KCNN2: variants seen among roughly 807,000 people sequenced by gnomAD.
KCNN2 encodes small conductance calcium-activated potassium channel protein 2.
Under a neutral mutation model 55.5 loss-of-function variants are expected in KCNN2, and 24 were observed. The observed-to-expected ratio is 0.43, with a 90% CI of 0.31 to 0.61. KCNN2 has a LOEUF of 0.61. KCNN2 is among the 20% of genes least tolerant of loss of function. KCNN2 has a pLI of 0.08. For missense variants in KCNN2, 754 were observed against 853.6 expected, an observed-to-expected ratio of 0.88 and a Z score of 1.45; for synonymous variants, 431 against 336.1, an observed-to-expected ratio of 1.28 and a Z score of -3.09.
At chr5:114,110,601 C>A (rs1009708054) in intron 1 of KCNN2, among the ~76,000 whole-genome samples, 1 of 151,954 alleles carries the variant, frequency 6.6e-6, no homozygotes, top group African/African-American at 2.4e-5. Flanking sequence ...TCCTTTTTTT[C>A]CCATTCTCTT....
At chr5:114,069,831 A>G (rs1413629592) in intron 1 of KCNN2, among the ~76,000 whole-genome samples, 1 of 152,194 alleles carries the variant, frequency 6.6e-6, no homozygotes, top group Non-Finnish European at 1.5e-5. Flanking sequence ...TCTCAGCTAA[A>G]GGTTAGAGAT....
rs1378290817 is a variant in KCNN2 at position 114,362,954 on chromosome 5, C to G, written c.815C>G (p.Ser272Trp). Reference protein sequence around the residue: ...SAAAAAAAAVSSSAPEIVVSK... With the variant: ...SAAAAAAAAVWSSAPEIVVSK... Reference sequence around the variant, plus strand: ...GCCGCTGCCGCCGCCGCCGCTGTTTCGTCCTCAGCCCCCGAGATCGTGGTG... The same window carrying G: ...GCCGCTGCCGCCGCCGCCGCTGTTTGGTCCTCAGCCCCCGAGATCGTGGTG... The change falls in exon 1 of 8, where the codon TCG (serine) becomes TGG (tryptophan). Residue 272 changes from serine to tryptophan, a missense_variant. Around this residue, in one of 4 missense-constraint regions of KCNN2, gnomAD observed 381 missense variants for 259.1 expected, o/e 1.47. Coordinates refer to ENST00000673685, the MANE Select transcript of KCNN2 (RefSeq NM_021614.4). The G allele has an allele frequency of 6.3e-7, 1 of 1,582,778 alleles. No homozygotes were observed. The highest frequency in any genetic ancestry group is 8.5e-7 in the Non-Finnish European group (1 of 1,172,074).
At chr5:114,171,952 T>G (rs1463800305) in intron 1 of KCNN2, among the ~76,000 whole-genome samples, 1 of 151,874 alleles carries the variant, frequency 6.6e-6, no homozygotes, top group Non-Finnish European at 1.5e-5. Context: ...GTGTATAGTA[T>G]GGAGCCCTCT....
intron 1 of KCNN2, among the ~76,000 whole-genome samples, chr5:114,118,159 G>C (rs1009459330): frequency 2.6e-5 from 4 of 152,184 alleles, no homozygotes; most frequent in Non-Finnish European, 1.5e-5. Context: ...CCCTAGCTTA[G>C]TGAAAAGGCA....
At chr5:114,395,573 T>A (rs1458419367) in intron 2 of KCNN2, among the ~76,000 whole-genome samples, 1 of 152,224 alleles carries the variant, frequency 6.6e-6, no homozygotes, top group Non-Finnish European at 1.5e-5. Context: ...ACAGATCATA[T>A]ATATTGTTAA....
chr5:114,224,113 T>C (rs1217472707), intron 2 of KCNN2, among the ~76,000 whole-genome samples: 1 of 152,176 alleles, frequency 6.6e-6, no homozygotes, highest in East Asian at 1.9e-4. Context: ...GTGCCCCCTT[T>C]TGGTAGAGCC....
At chr5:114,120,808 AGTGT>A (rs1751816459) in intron 1 of KCNN2, among the ~76,000 whole-genome samples, 1 of 152,160 alleles carries the variant, frequency 6.6e-6, no homozygotes, top group Non-Finnish European at 1.5e-5. Context: ...CATTTTGTGG[AGTGT>A]CAAGAAATAC....
intron 3 of KCNN2, among the ~76,000 whole-genome samples, chr5:114,429,082 C>A (rs567606884): frequency 1.3e-5 from 2 of 152,028 alleles, no homozygotes; most frequent in Admixed American, 6.5e-5. Context: ...TGGATTAATA[C>A]CTGGGAGCAT....
intron 1 of KCNN2, among the ~76,000 whole-genome samples, chr5:114,094,278 C>T (rs1038820742): frequency 7.9e-5 from 12 of 152,006 alleles, no homozygotes; most frequent in Non-Finnish European, 2.9e-5. Context: ...TTCAGGTCTT[C>T]AGCACAGAAT....
At chr5:114,073,506 T>C (rs768613010) in intron 1 of KCNN2, among the ~76,000 whole-genome samples, 3 of 152,218 alleles carry the variant, frequency 2.0e-5, no homozygotes, top group Non-Finnish European at 4.4e-5. Flanking sequence ...TGGTTCAGTG[T>C]GAATTCAAAA....
At chr5:114,233,252 A>G (rs1754400967) in intron 2 of KCNN2, among the ~76,000 whole-genome samples, 1 of 152,110 alleles carries the variant, frequency 6.6e-6, no homozygotes, top group African/African-American at 2.4e-5. Flanking sequence ...TACAAAAATA[A>G]TTTAGTCTCT....
chr5:114,345,216 G>A (rs1757085154), intron 2 of KCNN2, among the ~76,000 whole-genome samples: 1 of 152,012 alleles, frequency 6.6e-6, no homozygotes, highest in Admixed American at 6.6e-5. Context: ...AAAGTAAAGG[G>A]TAAAAGAATA....
At chr5:114,145,817 G>T (rs893579106) in intron 1 of KCNN2, among the ~76,000 whole-genome samples, 8 of 152,172 alleles carry the variant, frequency 5.3e-5, no homozygotes, top group Admixed American at 1.3e-4. Flanking sequence ...GTGTCATCAG[G>T]AGGGGGCAGA....
chr5:114,383,560 C>G (rs887313844), intron 2 of KCNN2, among the ~76,000 whole-genome samples: 66 of 147,226 alleles, frequency 4.5e-4, no homozygotes, highest in African/African-American at 1.7e-3. Flanking sequence ...CCTCCGCCTT[C>G]TGGATTTAAG....
chr5:114,102,209 C>G (rs1751386643), intron 1 of KCNN2, among the ~76,000 whole-genome samples: 1 of 151,720 alleles, frequency 6.6e-6, no homozygotes, highest in South Asian at 2.1e-4. Flanking sequence ...TTTCATGTGT[C>G]TGTTGGCCAC....
At chr5:114,246,182 G>T (rs4360033) in intron 2 of KCNN2, among the ~76,000 whole-genome samples, 1 of 152,042 alleles carries the variant, frequency 6.6e-6, no homozygotes, top group Non-Finnish European at 1.5e-5. Flanking sequence ...ATAAGTACTT[G>T]TTGTAGATAT....
At chr5:114,322,708 C>A (rs1383371310) in intron 2 of KCNN2, among the ~76,000 whole-genome samples, 1 of 152,052 alleles carries the variant, frequency 6.6e-6, no homozygotes, top group African/African-American at 2.4e-5. Flanking sequence ...TCTCAATGAA[C>A]CTTTGTGATC....
chr5:114,486,836 T>C lies in KCNN2; in HGVS notation c.1891-214T>C, dbSNP rs534689353. The C allele has an allele frequency of 3.3e-4, 394 of 1,211,930 alleles. No individual in the cohort carries two copies. In the African/African-American group the frequency reaches 5.6e-3, roughly 17 times the overall value. The allele number at this position is 1,211,930 out of a possible 1,614,324, so 75.1% of individuals were successfully genotyped here. A position where few individuals can be genotyped will look rare whatever the true frequency, so the allele number is the denominator to read the frequency against. ...AGAATTTACCACAGAAAGAAAGTGG[T>C]AGTATCTCCCTATTTCAATTTAAGT... On this transcript the variant is annotated intron_variant, in intron 5 of 7. Coordinates refer to ENST00000673685, the MANE Select transcript of KCNN2 (RefSeq NM_021614.4).
chr5:114,237,071 T>G (rs1270209846), intron 2 of KCNN2, among the ~76,000 whole-genome samples: 1 of 152,140 alleles, frequency 6.6e-6, no homozygotes, highest in Non-Finnish European at 1.5e-5. Context: ...GCTATACATG[T>G]GCAAGGGATT....
Sources: gnomAD v4.1 joint callset for allele counts (sites outside exome capture counted in the v4.1 genomes callset) on GRCh38, gnomAD v4.1.1 for gene constraint, gnomAD v4.1.1 regional missense constraint, MANE v1.5 for transcripts, NCBI Gene and HGNC (gene_info 2026-07-23, HGNC 2026-07-21) for gene names.